SLC71A2: variants seen among roughly 807,000 people sequenced by gnomAD.
SLC71A2 encodes solute carrier family 71 member 2.
the SLC71A2 span, among the ~76,000 whole-genome samples, chr9:94,420,232 T>C: frequency 1.3e-5 from 2 of 152,218 alleles, no homozygotes; most frequent in African/African-American, 4.8e-5. Flanking sequence ...CTACCTGTTA[T>C]ATCCCTGGCC....
the SLC71A2 span, among the ~76,000 whole-genome samples, chr9:94,411,236 T>C: frequency 6.7e-6 from 1 of 148,250 alleles, no homozygotes; most frequent in Non-Finnish European, 1.5e-5. Flanking sequence ...CCTCCCCATA[T>C]TCATCACCCT....
At chr9:94,390,877 GTAAC>G in the SLC71A2 span, among the ~76,000 whole-genome samples, 13 of 152,046 alleles carry the variant, frequency 8.6e-5, no homozygotes, top group Non-Finnish European at 1.8e-4. Flanking sequence ...GGCTGCCTGT[GTAAC>G]TATGCATAGC....
At chr9:94,453,882 G>C in the SLC71A2 span, 1 of 990,332 alleles carries the variant, frequency 1.0e-6, no homozygotes, top group East Asian at 2.4e-5. Flanking sequence ...TCAGGGAAGG[G>C]TCTTCACACA....
At chr9:94,415,186 A>G in the SLC71A2 span, 3 of 1,613,946 alleles carry the variant, frequency 1.9e-6, no homozygotes, top group Non-Finnish European at 2.5e-6. Context: ...CCAAGTGTGT[A>G]CCATGCTGCT....
the SLC71A2 span, among the ~76,000 whole-genome samples, chr9:94,408,930 G>A: frequency 6.7e-6 from 1 of 150,254 alleles, no homozygotes; most frequent in African/African-American, 2.5e-5. Context: ...GGGTTCAAGC[G>A]ATTCTCCTGC....
At chr9:94,458,549 C>T in the SLC71A2 span, 1 of 1,305,296 alleles carries the variant, frequency 7.7e-7, no homozygotes, top group Non-Finnish European at 1.1e-6. Flanking sequence ...GGAGAGCATT[C>T]TTTCTTGTAT....
chr9:94,443,219 A>G, the SLC71A2 span, among the ~76,000 whole-genome samples: 1 of 152,078 alleles, frequency 6.6e-6, no homozygotes, highest in Non-Finnish European at 1.5e-5. Flanking sequence ...ATCTACTCAC[A>G]GGGGCATTGA....
the SLC71A2 span, among the ~76,000 whole-genome samples, chr9:94,418,754 A>T: frequency 0.2 from 29,064 of 142,230 alleles, 3,133 homozygotes; most frequent in African/African-American, 0.29. Context: ...CTTTCCTTTA[A>T]TTCTTTTTTT....
the SLC71A2 span, among the ~76,000 whole-genome samples, chr9:94,425,726 T>C: frequency 6.6e-6 from 1 of 151,918 alleles, no homozygotes; most frequent in Non-Finnish European, 1.5e-5. Flanking sequence ...TTGTGGCTAA[T>C]GTTGGTCCTA....
the SLC71A2 span, among the ~76,000 whole-genome samples, chr9:94,416,432 C>T: frequency 0.091 from 13,873 of 152,164 alleles, 662 homozygotes; most frequent in Middle Eastern, 0.11. Flanking sequence ...CCTCTGGGTA[C>T]GGATAATCTT....
chr9:94,444,030 T>G, the SLC71A2 span, among the ~76,000 whole-genome samples: 2 of 152,314 alleles, frequency 1.3e-5, no homozygotes, highest in Admixed American at 6.5e-5. Context: ...TATACTGTGT[T>G]TTTTAATTCA....
At chr9:94,453,979 A>G in the SLC71A2 span, 1 of 1,613,648 alleles carries the variant, frequency 6.2e-7, no homozygotes, top group Non-Finnish European at 8.5e-7. Flanking sequence ...TAGCATCTTG[A>G]TGAGATCATT....
At chr9:94,458,385 A>G in the SLC71A2 span, 1 of 1,613,938 alleles carries the variant, frequency 6.2e-7, no homozygotes, top group East Asian at 2.2e-5. Context: ...CCAGCACTGT[A>G]TGGCTTCATA....
the SLC71A2 span, among the ~76,000 whole-genome samples, chr9:94,427,151 G>T: frequency 6.6e-6 from 1 of 151,960 alleles, no homozygotes; most frequent in African/African-American, 2.4e-5. Context: ...CTTTATTTTG[G>T]TTTTTAAACT....
At chr9:94,407,955 C>G in the SLC71A2 span, among the ~76,000 whole-genome samples, 1 of 152,284 alleles carries the variant, frequency 6.6e-6, no homozygotes, top group Admixed American at 6.5e-5. Context: ...ATCTGTTAGT[C>G]AGTCAGCCAT....
the SLC71A2 span, among the ~76,000 whole-genome samples, chr9:94,375,364 C>T: frequency 6.6e-6 from 1 of 151,742 alleles, no homozygotes; most frequent in African/African-American, 2.4e-5. Context: ...GTCGGAGGGG[C>T]GGTCCTAGCG....
At chr9:94,451,099 T>A in the SLC71A2 span, among the ~76,000 whole-genome samples, 1 of 152,218 alleles carries the variant, frequency 6.6e-6, no homozygotes, top group Non-Finnish European at 1.5e-5. Flanking sequence ...GCTTTGCTAA[T>A]GAGCAATGCT....
chr9:94,436,792 C>T, the SLC71A2 span, among the ~76,000 whole-genome samples: 9 of 152,136 alleles, frequency 5.9e-5, no homozygotes, highest in African/African-American at 1.7e-4. Flanking sequence ...ATTATGTGAA[C>T]GTGGAGACTT....
chr9:94,414,163 TCTTTG>T, the SLC71A2 span, among the ~76,000 whole-genome samples: 1 of 152,214 alleles, frequency 6.6e-6, no homozygotes, highest in Admixed American at 6.6e-5. Flanking sequence ...AATTTGTAGC[TCTTTG>T]TTTTTGCAGT....
Sources: allele counts gnomAD v4.1 joint callset (sites outside exome capture counted in the v4.1 genomes callset), GRCh38; gene constraint gnomAD v4.1.1; transcripts MANE v1.5; gene names NCBI Gene and HGNC (gene_info 2026-07-23, HGNC 2026-07-21).